Variants in NEB observed in about 807,000 individuals in gnomAD.
NEB encodes nemaline myopathy type 2.
A neutral mutation model predicts 952.2 loss-of-function variants in NEB; 512 were observed. That is an observed-to-expected ratio of 0.54 (90% CI 0.50 to 0.58). The LOEUF is 0.58. NEB is among the 20% of genes least tolerant of loss of function. NEB has a pLI of 0.00. For synonymous variants in NEB, 2,900 were observed against 3,149.8 expected, an observed-to-expected ratio of 0.92 and a Z score of 2.66; for missense variants, 8,428 against 9,231.1, an observed-to-expected ratio of 0.91 and a Z score of 3.56.
chr2:151,683,765 C>A (rs1344620164), intron 28 of NEB, among the ~76,000 whole-genome samples: 1 of 152,144 alleles, frequency 6.6e-6, no homozygotes, highest in Admixed American at 6.5e-5. Flanking sequence ...TTCACATGCC[C>A]ATATTCATAG....
chr2:151,534,870 C>A (rs1043130304), intron 142 of NEB, among the ~76,000 whole-genome samples: 3 of 152,138 alleles, frequency 2.0e-5, no homozygotes, highest in African/African-American at 7.2e-5. Context: ...TGGAAATCTA[C>A]TGAAAGTGAA....
chr2:151,725,494 C>G lies in NEB; in HGVS notation c.361G>C (p.Glu121Gln), dbSNP rs749419926. Residue 121 changes from glutamate (E) to glutamine (Q), a missense_variant, in exon 6 of 182, where the codon GAA becomes CAA. Around this residue, in one of 11 missense-constraint regions of NEB, gnomAD observed 2,851 missense variants for 2,791.5 expected, o/e 1.02. Transcript: ENST00000397345. Reference protein sequence around the residue: ...QPYASTTDTPELRRIKKVQDQ... With the variant: ...QPYASTTDTPQLRRIKKVQDQ... ...TGTACTTTTTTGATTCTGCGAAGTTCTGGAGTATCTGTTGTGCTGGCGTAT... is the reference window on the plus strand; with the variant it reads ...TGTACTTTTTTGATTCTGCGAAGTTGTGGAGTATCTGTTGTGCTGGCGTAT... 2 of 1,613,660 alleles carry G rather than the reference C, an allele frequency of 1.2e-6. No individual in the cohort carries two copies. Among genetic ancestry groups the G allele is most frequent in the South Asian group, 1.1e-5 (1 of 91,056 alleles).
At position 151,518,332 on chromosome 2, in the gene NEB, C is replaced by T; in HGVS notation, c.22786G>A (p.Glu7596Lys). The T allele has an allele frequency of 2.5e-6, 4 of 1,604,814 alleles. No homozygotes were observed. The South Asian group carries it at 4.4e-5, about 18-fold the overall frequency. ...GATCCACTTACTATACTCTGTAATTCTGTGGCCTCTTTTAGGTGAAGCTGC... is the reference window on the plus strand; with the variant it reads ...GATCCACTTACTATACTCTGTAATTTTGTGGCCTCTTTTAGGTGAAGCTGC... ...LEQLHLKEAT[E>K]LQSIVKYKEK... is the part of the protein sequence containing the mutation. The change falls in exon 156 of 182, where the codon GAA becomes AAA. Residue 7596 changes from glutamate to lysine, a missense_variant. By Grantham distance (56) the Glu-to-Lys change is moderately conservative. Coordinates refer to ENST00000397345, the MANE Select transcript of NEB (RefSeq NM_001164508.2).
intron 138 of NEB, among the ~76,000 whole-genome samples, chr2:151,539,930 A>G (rs913961874): frequency 6.6e-6 from 1 of 152,196 alleles, no homozygotes; most frequent in Non-Finnish European, 1.5e-5. Flanking sequence ...TCTCATTATC[A>G]TTCCACATAT....
chr2:151,630,088 C>A (rs2098632527), intron 67 of NEB, among the ~76,000 whole-genome samples: 2 of 151,814 alleles, frequency 1.3e-5, no homozygotes, highest in South Asian at 4.2e-4. Flanking sequence ...ATTTGTATGA[C>A]AATCATATTT....
chr2:151,665,992 T>A, intron 41 of NEB, 98 bp downstream of exon 41: 1 of 1,249,314 alleles, frequency 8.0e-7, no homozygotes, highest in Non-Finnish European at 1.1e-6. Context: ...GAATCCTTAA[T>A]TACAGTGAGT....
Position 151,679,705 on chromosome 2 carries a change from C to T in NEB, c.3255+16G>A. ...ACATTTTCTAGTTGCCCATGTATGA[C>T]CACAGCTGGACTTACGTCACTCGCC... On this transcript the variant is annotated intron_variant, in intron 32 of 181. Coordinates refer to ENST00000397345, the MANE Select transcript of NEB (RefSeq NM_001164508.2). 1 of 942,026 alleles carries T rather than the reference C, an allele frequency of 1.1e-6. No homozygotes were observed. The highest frequency in any genetic ancestry group is 1.3e-5 in the South Asian group (1 of 78,310). The allele number at this position is 942,026 out of a possible 1,614,324, so 58.4% of individuals were successfully genotyped here. A position where few individuals can be genotyped will look rare whatever the true frequency, so the allele number is the denominator to read the frequency against.
intron 107 of NEB, among the ~76,000 whole-genome samples, chr2:151,574,219 C>T (rs1482127352): frequency 6.6e-6 from 1 of 152,216 alleles, no homozygotes; most frequent in Non-Finnish European, 1.5e-5. Flanking sequence ...CGTGATTCGC[C>T]TGCCTTGGCC....
chr2:151,571,686 G>A (rs890887676), intron 107 of NEB, among the ~76,000 whole-genome samples: 9 of 152,062 alleles, frequency 5.9e-5, no homozygotes, highest in African/African-American at 1.9e-4. Context: ...TGATTTACAA[G>A]TATTTTAAAA....
chr2:151,701,588 T>C (rs1045705968), intron 13 of NEB, among the ~76,000 whole-genome samples: 17 of 151,730 alleles, frequency 1.1e-4, no homozygotes, highest in Non-Finnish European at 2.1e-4. Flanking sequence ...CCTGGTTTAG[T>C]CTTGGGAGAT....
chr2:151,671,098 A>G lies in NEB; in HGVS notation c.4431T>C (p.Asp1477=), dbSNP rs140558263. 1.2e-5 allele frequency: 20 copies of G among 1,613,996 alleles called. No individual in the cohort carries two copies. The African/African-American group carries it at 2.0e-4, about 16-fold the overall frequency. Residue 1477 remains aspartate (D), a synonymous_variant, in exon 38 of 182, where the codon GAT becomes GAC. Coordinates refer to ENST00000397345, the MANE Select transcript of NEB (RefSeq NM_001164508.2). ...LNERKYRQHP[D]TVKFTSVPDS... is the part of the protein sequence containing the mutation. ...CAGGCACACTTGTGAACTTGACGGT[A>G]TCTGGGTGCTGTCGATACTTCCTCT...
Position 151,508,065 on chromosome 2 carries a change from C to G in NEB, c.23391G>C (p.Glu7797Asp), listed in dbSNP as rs748315043. 1 of 1,611,050 alleles carries G rather than the reference C, an allele frequency of 6.2e-7. No individual in the cohort carries two copies. Residue 7797 changes from glutamate (E) to aspartate (D), a missense_variant, in exon 162 of 182, where the codon GAG (glutamate) becomes GAC (aspartate). Glu to Asp is a conservative substitution (Grantham distance 45). Around this residue, in one of 11 missense-constraint regions of NEB, gnomAD observed 3,374 missense variants for 3,651.5 expected, o/e 0.92. Coordinates refer to ENST00000397345, the MANE Select transcript of NEB (RefSeq NM_001164508.2). Reference protein sequence around the residue: ...EDAEKSMSYYETVLDTPEIQR... With the variant: ...EDAEKSMSYYDTVLDTPEIQR... ...GTATCTCTGGGGTGTCCAAAACAGT[C>G]TCATAATACGACATGGACTTCTCAG...
intron 17 of NEB, among the ~76,000 whole-genome samples, chr2:151,696,268 C>A (rs1366251251): frequency 1.3e-5 from 2 of 152,106 alleles, no homozygotes; most frequent in African/African-American, 4.8e-5. Flanking sequence ...CATATTTCTT[C>A]CTTCACTTAC....
chr2:151,601,123 T>G (rs1376556662), intron 88 of NEB, among the ~76,000 whole-genome samples: 1 of 129,148 alleles, frequency 7.7e-6, no homozygotes, highest in Non-Finnish European at 1.6e-5. Context: ...TTTTTTTTTT[T>G]TTGAGACAGA....
rs112638545 is a variant in NEB at position 151,685,228 on chromosome 2, T to A, written c.2638-253A>T. On this transcript the variant is annotated intron_variant, in intron 27 of 181. Coordinates refer to ENST00000397345, the MANE Select transcript of NEB (RefSeq NM_001164508.2). ...CAGCGGGCCACAGCTTCTGCTTCAG[T>A]CAGGAACAGGAATGATTTTATTCTA... Among the ~76,000 whole-genome samples the A allele has an allele frequency of 2.7e-3, 404 of 152,276 alleles. 4 individuals carry two copies. The highest frequency in any genetic ancestry group is 9.3e-3 in the African/African-American group (387 of 41,562).
Position 151,581,515 on chromosome 2 carries a change from G to A in NEB, c.16252C>T (p.Gln5418Ter). 1.8e-6 allele frequency: 2 copies of A among 1,113,722 alleles called. No homozygotes were observed. The highest frequency in any genetic ancestry group is 1.5e-5 in the South Asian group (1 of 67,932). 69.0% of individuals were successfully genotyped at this position (1,113,722 alleles called of 1,614,324 possible). Reference sequence around the variant, plus strand: ...ATCTGCAGGGCATTGATTTTGGATTGCAGCATCAGGGGAGTGTCAGCTGGC... The same window carrying A: ...ATCTGCAGGGCATTGATTTTGGATTACAGCATCAGGGGAGTGTCAGCTGGC... ...NVPADTPLML[Q>*]SKINALQISN... Residue 5418 changes from glutamine to a stop codon, truncating the protein, a stop_gained, in exon 103 of 182, where the codon CAA becomes TAA. Transcript: ENST00000397345. LOFTEE classifies it high-confidence loss of function.
chr2:151,675,866 C>A (rs1331890329), intron 34 of NEB, among the ~76,000 whole-genome samples: 2 of 152,088 alleles, frequency 1.3e-5, no homozygotes, highest in East Asian at 3.8e-4. Context: ...TGTAGAGGTG[C>A]TTATACATGA....
At chr2:151,516,434 G>T in intron 157 of NEB, 25 bp downstream of exon 157, 1 of 1,467,432 alleles carries the variant, frequency 6.8e-7, no homozygotes, top group Non-Finnish European at 9.5e-7. Flanking sequence ...GATCATTGTT[G>T]TGTGGTGTGG....
rs746203138 is a variant in NEB at position 151,552,734 on chromosome 2, T to C, written c.19774A>G (p.Lys6592Glu). ...AHMLKTRNDYKLVTDTPVYVQ... is the reference protein window; with the variant it reads ...AHMLKTRNDYELVTDTPVYVQ... The stretch of plus-strand genomic sequence containing the variant: ...TAGACTGGTGTATCTGTGACAAGCT[T>C]GTAGTCATTCCTTGTTTTCAACATG... The change falls in exon 128 of 182, where the codon AAG becomes GAG. Residue 6592 changes from lysine to glutamate, a missense_variant. Lys to Glu is a moderately conservative substitution (Grantham distance 56). This residue lies in a region of NEB where 3,374 missense variants were observed against 3,651.5 expected (regional missense o/e 0.92). Transcript: ENST00000397345. 9 of 1,613,310 alleles carry C rather than the reference T, an allele frequency of 5.6e-6. No individual in the cohort carries two copies. The highest frequency in any genetic ancestry group is 2.2e-5 in the South Asian group (2 of 91,012).
Sources: allele counts gnomAD v4.1 joint callset (sites outside exome capture counted in the v4.1 genomes callset), GRCh38; gene constraint gnomAD v4.1.1; regional missense constraint gnomAD v4.1.1; transcripts MANE v1.5; gene names NCBI Gene and HGNC (gene_info 2026-07-23, HGNC 2026-07-21).